The following NIBAN1 variants were observed in gnomAD, a reference collection of about 807,000 sequenced individuals.
NIBAN1 encodes the protein niban apoptosis regulator 1.
Under a neutral mutation model 75.1 loss-of-function variants are expected in NIBAN1, and 81 were observed. The observed-to-expected ratio is 1.08, with a 90% CI of 0.90 to 1.30. The LOEUF (loss-of-function observed/expected upper bound fraction) is 1.30, where lower values mean the gene tolerates loss of function less well. NIBAN1 is among the 50% of genes most tolerant of loss of function. NIBAN1 has a pLI of 0.00. For synonymous variants in NIBAN1, 436 were observed against 424.8 expected (o/e 1.03, Z -0.32); for missense variants, 1,133 against 1,128.1 (o/e 1.00, Z -0.06).
At chr1:184,825,877 C>G (rs1355045131) in intron 6 of NIBAN1, among the ~76,000 whole-genome samples, 2 of 152,214 alleles carry the variant, frequency 1.3e-5, no homozygotes, top group Non-Finnish European at 2.9e-5. Context: ...AACATCTGTT[C>G]TATGAGTTTG....
intron 1 of NIBAN1, among the ~76,000 whole-genome samples, chr1:184,928,375 C>T (rs973260390): frequency 2.0e-5 from 3 of 152,108 alleles, no homozygotes; most frequent in Admixed American, 2.0e-4. Flanking sequence ...GGTCACATGT[C>T]CCCCAACTCC....
At chr1:184,955,745 G>C (rs1327746047) in intron 1 of NIBAN1, among the ~76,000 whole-genome samples, 1 of 152,188 alleles carries the variant, frequency 6.6e-6, no homozygotes, top group Non-Finnish European at 1.5e-5. Context: ...ACATGTTGAG[G>C]GTGATATAAA....
intron 9 of NIBAN1, among the ~76,000 whole-genome samples, chr1:184,815,156 C>A (rs1053176990): frequency 2.2e-4 from 33 of 152,194 alleles, no homozygotes; most frequent in Non-Finnish European, 4.7e-4. Flanking sequence ...ATTTTCAATG[C>A]ATGTTTTCTA....
intron 4 of NIBAN1, among the ~76,000 whole-genome samples, chr1:184,885,600 C>T (rs1165254861): frequency 1.3e-5 from 2 of 152,152 alleles, no homozygotes; most frequent in Non-Finnish European, 2.9e-5. Flanking sequence ...CCTGCAGGCT[C>T]CAGCTCCAAC....
chr1:184,973,273 C>CT (rs1369701331), intron 1 of NIBAN1, among the ~76,000 whole-genome samples: 1 of 152,110 alleles, frequency 6.6e-6, no homozygotes, highest in Non-Finnish European at 1.5e-5. Flanking sequence ...GATTTGATAT[C>CT]TTTTTAAAAC....
chr1:184,879,108 G>C (rs1031073620), intron 5 of NIBAN1, among the ~76,000 whole-genome samples: 1 of 152,126 alleles, frequency 6.6e-6, no homozygotes, highest in African/African-American at 2.4e-5. Context: ...AATTTTGCTT[G>C]GGATATTCCT....
intron 6 of NIBAN1, among the ~76,000 whole-genome samples, chr1:184,824,888 AG>A (rs1557878259): frequency 6.6e-6 from 1 of 152,164 alleles, no homozygotes; most frequent in Non-Finnish European, 1.5e-5. Flanking sequence ...GGCTCCCAGG[AG>A]GGGGATTCCT....
chr1:184,826,695 A>G (rs1430768723), intron 6 of NIBAN1, among the ~76,000 whole-genome samples: 3 of 152,250 alleles, frequency 2.0e-5, no homozygotes, highest in Non-Finnish European at 4.4e-5. Context: ...AAAATGCTAT[A>G]TATAAAGGCC....
At chr1:184,809,641 G>A (rs338569) in intron 9 of NIBAN1, among the ~76,000 whole-genome samples, 5,293 of 136,522 alleles carry the variant, frequency 0.039, 204 homozygotes, top group African/African-American at 0.11. Context: ...ATGTGTGTGT[G>A]TATATATATA....
chr1:184,802,356 G>C (rs1266043924), intron 12 of NIBAN1, among the ~76,000 whole-genome samples: 4 of 152,038 alleles, frequency 2.6e-5, no homozygotes, highest in Non-Finnish European at 5.9e-5. Context: ...TCTCCTGAGA[G>C]AAGGTGGATC....
chr1:184,794,936 T>G lies in NIBAN1; in HGVS notation c.*41A>C. 1 of 1,602,356 alleles carries G rather than the reference T, an allele frequency of 6.2e-7. No individual in the cohort carries two copies. ...CCCCTAAGTGTACCCCTATAACCCT[T>G]TGGCTTTTTTCAGAGAAAGACTTCA... On this transcript the variant is annotated 3_prime_UTR_variant, in exon 14 of 14. Transcript: ENST00000367511.
chr1:184,943,719 T>TA (rs1238338286), intron 1 of NIBAN1, among the ~76,000 whole-genome samples: 1 of 151,956 alleles, frequency 6.6e-6, no homozygotes, highest in Non-Finnish European at 1.5e-5. Flanking sequence ...ATAATAATAA[T>TA]AATAAATAAA....
intron 6 of NIBAN1, among the ~76,000 whole-genome samples, chr1:184,829,495 TTC>T (rs1654939274): frequency 7.2e-6 from 1 of 139,600 alleles, no homozygotes. Flanking sequence ...GAGATGGAGT[TTC>T]ATACTGTCAC....
intron 1 of NIBAN1, among the ~76,000 whole-genome samples, chr1:184,963,226 GTCTT>G (rs1196751811): frequency 6.6e-6 from 1 of 151,844 alleles, no homozygotes; most frequent in African/African-American, 2.4e-5. Context: ...AAAAAATCAA[GTCTT>G]TAATAAAATT....
intron 13 of NIBAN1, among the ~76,000 whole-genome samples, chr1:184,796,882 G>A (rs1196634686): frequency 1.3e-5 from 2 of 152,210 alleles, no homozygotes; most frequent in Non-Finnish European, 2.9e-5. Context: ...CTGGAGGAAA[G>A]GAGTCTTTTT....
intron 2 of NIBAN1, among the ~76,000 whole-genome samples, chr1:184,898,393 T>A (rs234639): frequency 0.054 from 8,230 of 152,158 alleles, 754 homozygotes; most frequent in African/African-American, 0.19. Context: ...GGCAGGTGGA[T>A]CACTTGAGGT....
Position 184,794,891 on chromosome 1 carries a change from TG to T in NIBAN1, c.*85del. 1 of 1,572,784 alleles carries T rather than the reference TG, an allele frequency of 6.4e-7. No individual in the cohort carries two copies. On this transcript the variant is annotated 3_prime_UTR_variant, in exon 14 of 14. Coordinates refer to ENST00000367511, the MANE Select transcript of NIBAN1 (RefSeq NM_052966.4). Reference sequence around the variant, plus strand: ...ATTAAGAAAATACTTAAAAATTTTTTGGTAACAGCTTGCATGCAACCCCTAA... The same window carrying T: ...ATTAAGAAAATACTTAAAAATTTTTTGTAACAGCTTGCATGCAACCCCTAA...
chr1:184,924,663 C>T (rs1171417369), intron 1 of NIBAN1, among the ~76,000 whole-genome samples: 1 of 151,968 alleles, frequency 6.6e-6, no homozygotes, highest in African/African-American at 2.4e-5. Context: ...GCTATCAGGC[C>T]CTGGGCTTTT....
chr1:184,796,098 C>A lies in NIBAN1; in HGVS notation c.1667-1G>T. 1 of 1,511,536 alleles carries A rather than the reference C, an allele frequency of 6.6e-7. No homozygotes were observed. 93.6% of individuals were successfully genotyped at this position (1,511,536 alleles called of 1,614,324 possible). A position where few individuals can be genotyped will look rare whatever the true frequency, so the allele number is the denominator to read the frequency against. On this transcript the variant is annotated splice_acceptor_variant, in intron 13 of 13. Coordinates refer to ENST00000367511, the MANE Select transcript of NIBAN1 (RefSeq NM_052966.4). LOFTEE classifies it high-confidence loss of function. ...TTCAAGATAGCAGCTTCCTTTATCACTGAGAGATATCAGAAAACAAAACAT... is the reference window on the plus strand; with the variant it reads ...TTCAAGATAGCAGCTTCCTTTATCAATGAGAGATATCAGAAAACAAAACAT...
Sources: allele counts gnomAD v4.1 joint callset (sites outside exome capture counted in the v4.1 genomes callset), GRCh38; gene constraint gnomAD v4.1.1; transcripts MANE v1.5; gene names NCBI Gene and HGNC (gene_info 2026-07-23, HGNC 2026-07-21).